Variants in TANC2 observed in about 807,000 individuals in gnomAD.
TANC2 encodes protein TANC2.
In TANC2, 26 loss-of-function variants were observed where a neutral mutation model predicts 210.5. That is an observed-to-expected ratio of 0.12 (90% confidence interval 0.09 to 0.17). The LOEUF (loss-of-function observed/expected upper bound fraction) is 0.17, where lower values mean the gene tolerates loss of function less well. Ranked by LOEUF, TANC2 falls within the 10% of genes least tolerant of loss-of-function variation. The pLI is 1.00. For missense variants in TANC2, 2,129 were observed against 2,608.9 expected (o/e 0.82, Z 4.01); for synonymous variants, 931 against 967.1 (o/e 0.96, Z 0.69).
intron 1 of TANC2, among the ~76,000 whole-genome samples, chr17:63,003,885 T>A (rs2033495070): frequency 6.6e-6 from 1 of 152,190 alleles, no homozygotes; most frequent in Admixed American, 6.5e-5. Context: ...GACAGTCTGT[T>A]TTTTAATTTG....
At chr17:63,379,090 A>T (rs2047520450) in intron 14 of TANC2, among the ~76,000 whole-genome samples, 1 of 152,194 alleles carries the variant, frequency 6.6e-6, no homozygotes. Context: ...ATTCTGAGGA[A>T]CACTGACATT....
At chr17:63,098,479 CAT>C (rs1184158529) in intron 3 of TANC2, among the ~76,000 whole-genome samples, 1,497 of 29,730 alleles carry the variant, frequency 0.05, 52 homozygotes, top group African/African-American at 0.19. Context: ...CACACACACA[CAT>C]ACACTCTCTC....
intron 11 of TANC2, among the ~76,000 whole-genome samples, chr17:63,337,816 A>G (rs2046087269): frequency 6.6e-6 from 1 of 152,000 alleles, no homozygotes; most frequent in African/African-American, 2.4e-5. Flanking sequence ...TTCCCTCTAC[A>G]TGCCTATGTG....
chr17:63,005,898 G>A, intron 1 of TANC2, among the ~76,000 whole-genome samples: 1 of 27,384 alleles, frequency 3.7e-5, no homozygotes, highest in South Asian at 1.5e-3. Context: ...TGTATAGTTT[G>A]TGTGTGTGTG....
chr17:63,156,434 A>T (rs1326919471), intron 5 of TANC2, among the ~76,000 whole-genome samples: 6 of 151,474 alleles, frequency 4.0e-5, no homozygotes, highest in Non-Finnish European at 8.8e-5. Context: ...AAAAAAAAGC[A>T]CCTGTTAATT....
At chr17:63,130,376 G>T (rs997867305) in intron 4 of TANC2, among the ~76,000 whole-genome samples, 4 of 152,074 alleles carry the variant, frequency 2.6e-5, no homozygotes, top group African/African-American at 9.7e-5. Flanking sequence ...GCTGGGCGTG[G>T]TGGTGCACAC....
rs375400838 is a variant in TANC2, at chr17:63,056,101, G to A, written c.68-17842G>A. Among the ~76,000 whole-genome samples, 47 of 139,000 alleles carry A rather than the reference G, an allele frequency of 3.4e-4. 1 individual carries two copies. In the South Asian group the frequency reaches 0.011, roughly 33 times the overall value. 91.2% of individuals were successfully genotyped at this position (139,000 alleles called of 152,430 possible). ...TAGGAGGATCACATGAGCCCACCCAGGAGGTCGAGGTTATAGTAAGCCATG... is the reference window on the plus strand; with the variant it reads ...TAGGAGGATCACATGAGCCCACCCAAGAGGTCGAGGTTATAGTAAGCCATG... On this transcript the variant is annotated intron_variant, in intron 2 of 27. Transcript: ENST00000689528.
At position 63,108,807 on chromosome 17, in the gene TANC2, C is replaced by A. The variant is rs758717220; in HGVS notation, c.322+9450C>A. On this transcript the variant is annotated intron_variant, in intron 4 of 27. Coordinates refer to ENST00000689528, the Ensembl canonical transcript of TANC2. ...CTGGTGACAGAGCAAGACTCCATCTCAAAAAAAATATAAATAAATAAATAA... is the reference window on the plus strand; with the variant it reads ...CTGGTGACAGAGCAAGACTCCATCTAAAAAAAAATATAAATAAATAAATAA... 2.9e-3 allele frequency among the ~76,000 whole-genome samples: 427 copies of A among 148,690 alleles called. 5 individuals are homozygous for A. The highest frequency in any genetic ancestry group is 4.8e-3 in the Non-Finnish European group (323 of 67,352).
intron 9 of TANC2, among the ~76,000 whole-genome samples, chr17:63,290,354 C>T (rs1265912142): frequency 1.3e-5 from 2 of 152,168 alleles, no homozygotes; most frequent in Non-Finnish European, 2.9e-5. Context: ...ACTGCATTTT[C>T]CACTCTGGTA....
At chr17:63,008,453 G>C (rs1044707027) in intron 1 of TANC2, among the ~76,000 whole-genome samples, 2 of 151,990 alleles carry the variant, frequency 1.3e-5, no homozygotes, top group African/African-American at 4.8e-5. Context: ...TAATCTGCTG[G>C]ACACACCAAG....
chr17:63,270,467 T>G (rs1479580562), intron 9 of TANC2, among the ~76,000 whole-genome samples: 3 of 152,188 alleles, frequency 2.0e-5, no homozygotes, highest in Non-Finnish European at 4.4e-5. Flanking sequence ...CTAATTTTAT[T>G]TAAAGGAATG....
At chr17:63,070,137 A>G (rs1214270950) in intron 2 of TANC2, among the ~76,000 whole-genome samples, 1 of 152,192 alleles carries the variant, frequency 6.6e-6, no homozygotes, top group South Asian at 2.1e-4. Context: ...TTAGTTTTTC[A>G]TGAAAATAGG....
At chr17:63,125,488 C>T (rs1201889115) in intron 4 of TANC2, among the ~76,000 whole-genome samples, 2 of 152,110 alleles carry the variant, frequency 1.3e-5, no homozygotes, top group Admixed American at 6.5e-5. Flanking sequence ...GTAGTTACAA[C>T]TTGAATCAGA....
intron 4 of TANC2, among the ~76,000 whole-genome samples, chr17:63,117,700 C>T (rs2038305992): frequency 6.6e-6 from 1 of 152,076 alleles, no homozygotes; most frequent in African/African-American, 2.4e-5. Context: ...GAATAAGAAG[C>T]CTTTCAGCTT....
intron 5 of TANC2, chr17:63,151,992 A>G (rs1215218227): frequency 6.6e-6 from 1 of 152,196 alleles, no homozygotes; most frequent in Non-Finnish European, 1.5e-5. Flanking sequence ...TGGGAGCCAA[A>G]CTGAGAAAGA....
intron 5 of TANC2, among the ~76,000 whole-genome samples, chr17:63,192,972 G>T (rs946113020): frequency 1.3e-5 from 2 of 152,160 alleles, no homozygotes; most frequent in African/African-American, 4.8e-5. Context: ...CAGTGAAATA[G>T]AGCCCCAGAA....
chr17:63,362,263 C>T (rs769693428), intron 14 of TANC2, among the ~76,000 whole-genome samples: 1 of 152,294 alleles, frequency 6.6e-6, no homozygotes, highest in Non-Finnish European at 1.5e-5. Context: ...TTGGCTGAGT[C>T]CAGGGTTTTT....
intron 2 of TANC2, among the ~76,000 whole-genome samples, chr17:63,050,432 G>A (rs1598315981): frequency 1.3e-5 from 2 of 151,828 alleles, no homozygotes; most frequent in South Asian, 4.2e-4. Context: ...TCATGGATGA[G>A]GTCCAGGTTA....
chr17:63,004,560 A>ATCT (rs1458841295), intron 1 of TANC2: 4 of 165,896 alleles, frequency 2.4e-5, no homozygotes, highest in African/African-American at 9.6e-5. Flanking sequence ...AAAAGCAACA[A>ATCT]TGAAGTGTTC....
Sources: gnomAD v4.1 joint callset for allele counts (sites outside exome capture counted in the v4.1 genomes callset) on GRCh38, gnomAD v4.1.1 for gene constraint, MANE v1.5 for transcripts, NCBI Gene and HGNC (gene_info 2026-07-23, HGNC 2026-07-21) for gene names.